Variants in UQCC1 observed in about 807,000 individuals in gnomAD.
UQCC1 encodes ubiquinol-cytochrome c reductase complex assembly factor 1, also known as bFGF-repressed Zic-binding protein.
UQCC1 carries 38 observed loss-of-function variants against 48.0 expected under a neutral mutation model. That is an observed-to-expected ratio of 0.79 (90% confidence interval 0.61 to 1.04). UQCC1 has a LOEUF of 1.04. Among genes scored for constraint, UQCC1 ranks in the 50% least tolerant of loss-of-function variants. The pLI is 0.00. For synonymous variants in UQCC1, 111 were observed against 129.2 expected (o/e 0.86, Z 0.95); for missense variants, 368 against 381.8 (o/e 0.96, Z 0.30).
intron 7 of UQCC1, among the ~76,000 whole-genome samples, chr20:35,339,552 T>A (rs916620540): frequency 6.6e-6 from 1 of 152,142 alleles, no homozygotes; most frequent in Non-Finnish European, 1.5e-5. Context: ...ATGAGAAGAA[T>A]ATGTATTTGT....
intron 1 of UQCC1, among the ~76,000 whole-genome samples, chr20:35,400,991 T>C (rs2062156439): frequency 6.6e-6 from 1 of 152,212 alleles, no homozygotes; most frequent in South Asian, 2.1e-4. Context: ...GGCTCATTCA[T>C]GAGCTAGAAA....
At chr20:35,325,266 T>C (rs2061179649) in intron 7 of UQCC1, among the ~76,000 whole-genome samples, 2 of 152,238 alleles carry the variant, frequency 1.3e-5, no homozygotes, top group Admixed American at 1.3e-4. Flanking sequence ...GTATAGATAA[T>C]GAAAATTGTT....
At chr20:35,340,118 G>A (rs2061361028) in intron 7 of UQCC1, among the ~76,000 whole-genome samples, 1 of 152,140 alleles carries the variant, frequency 6.6e-6, no homozygotes, top group South Asian at 2.1e-4. Context: ...TAGTGCTGCA[G>A]TAACGCAGAG....
chr20:35,338,628 T>C (rs2061338960), intron 7 of UQCC1, among the ~76,000 whole-genome samples: 1 of 151,118 alleles, frequency 6.6e-6, no homozygotes, highest in African/African-American at 2.4e-5. Context: ...GGTGGATCAC[T>C]TAAGGTCAGG....
At chr20:35,387,514 A>ATT (rs747450589) in intron 2 of UQCC1, among the ~76,000 whole-genome samples, 2 of 142,760 alleles carry the variant, frequency 1.4e-5, no homozygotes, top group South Asian at 4.5e-4. Flanking sequence ...AACTAGGTGG[A>ATT]TTTTTTTTTT....
At chr20:35,386,331 T>C (rs1476035353) in intron 2 of UQCC1, 1 of 456,424 alleles carries the variant, frequency 2.2e-6, no homozygotes, top group Non-Finnish European at 4.4e-6. Context: ...TCTTCAATTC[T>C]GGTTTATTCC....
In UQCC1 at chr20:35,378,018, A is replaced by G. The variant is rs74878895; in HGVS notation, c.334-3762T>C. On this transcript the variant is annotated intron_variant, in intron 4 of 9. Transcript: ENST00000374385. ...AGTCTCTAAAGACTATCACACAGAG[A>G]CTGGAAATAATAACTTGAGGAAAGA... is the stretch of plus-strand genomic sequence containing the variant. 7.9e-4 allele frequency among the ~76,000 whole-genome samples: 121 copies of G among 152,312 alleles called. 2 individuals are homozygous for G. In the East Asian group the frequency reaches 0.02, roughly 25 times the overall value.
chr20:35,399,412 C>A (rs1263103588), intron 1 of UQCC1, among the ~76,000 whole-genome samples: 2 of 152,196 alleles, frequency 1.3e-5, no homozygotes, highest in Non-Finnish European at 2.9e-5. Flanking sequence ...ATAATACTTA[C>A]TGTGTTTTCC....
intron 7 of UQCC1, among the ~76,000 whole-genome samples, chr20:35,316,459 G>A (rs185864168): frequency 1.3e-5 from 2 of 152,206 alleles, no homozygotes; most frequent in Admixed American, 1.3e-4. Context: ...TCTGCTTCTG[G>A]GAGGATAATT....
At position 35,306,654 on chromosome 20, in the gene UQCC1, A is replaced by G; in HGVS notation, c.765+12T>C. ...TGCCAGGACTTGGGAGGGGAGGGAA[A>G]GGGTCACTCACCTGTTTCCTCACAT... On this transcript the variant is annotated intron_variant, in intron 9 of 9. Coordinates refer to ENST00000374385, the MANE Select transcript of UQCC1 (RefSeq NM_018244.5). 6.2e-7 allele frequency: 1 copy of G among 1,605,266 alleles called. No homozygotes were observed.
chr20:35,391,949 G>C (rs1168930648), intron 2 of UQCC1, among the ~76,000 whole-genome samples: 1 of 152,000 alleles, frequency 6.6e-6, no homozygotes, highest in Non-Finnish European at 1.5e-5. Context: ...AACTTCAAGA[G>C]GCTAATTAAG....
intron 8 of UQCC1, among the ~76,000 whole-genome samples, chr20:35,312,204 A>G (rs953784998): frequency 1.3e-5 from 2 of 152,192 alleles, no homozygotes; most frequent in Admixed American, 6.5e-5. Context: ...GTCCACTTTT[A>G]TAATTGATAT....
At chr20:35,402,379 C>A (rs2146535969) in intron 1 of UQCC1, among the ~76,000 whole-genome samples, 1 of 151,966 alleles carries the variant, frequency 6.6e-6, no homozygotes, top group African/African-American at 2.4e-5. Flanking sequence ...GAGATTGAAA[C>A]CATCCTGGCT....
chr20:35,391,714 A>C (rs1568704690), intron 2 of UQCC1, among the ~76,000 whole-genome samples: 1 of 122,738 alleles, frequency 8.1e-6, no homozygotes, highest in Non-Finnish European at 1.8e-5. Context: ...CAGATCAAAA[A>C]AGGACATTCA....
chr20:35,392,088 T>C, intron 2 of UQCC1: 1 of 495,612 alleles, frequency 2.0e-6, no homozygotes, highest in South Asian at 1.8e-5. Context: ...GCCCTTGACA[T>C]ACATTCATCC....
At chr20:35,314,891 G>A (rs1259133723) in intron 7 of UQCC1, 126 bp from the exon 8 acceptor site, 2 of 617,294 alleles carry the variant, frequency 3.2e-6, no homozygotes, top group Admixed American at 5.6e-5. Flanking sequence ...AACAAGTCAA[G>A]CTGCCAGTCC....
intron 3 of UQCC1, 73 bp downstream of exon 3, chr20:35,383,965 C>G: frequency 1.5e-6 from 2 of 1,371,874 alleles, no homozygotes; most frequent in South Asian, 2.4e-5. Flanking sequence ...ACCTAGCTAA[C>G]AATTTTGTTG....
At chr20:35,391,615 C>A (rs1377290693) in intron 2 of UQCC1, among the ~76,000 whole-genome samples, 1 of 138,356 alleles carries the variant, frequency 7.2e-6, no homozygotes, top group Non-Finnish European at 1.5e-5. Flanking sequence ...CCCTGGACGA[C>A]AGAGTGGGAC....
intron 4 of UQCC1, among the ~76,000 whole-genome samples, chr20:35,378,389 G>A (rs1382976918): frequency 2.6e-5 from 4 of 152,090 alleles, no homozygotes; most frequent in South Asian, 4.1e-4. Context: ...CGAGGTGGGC[G>A]GATCATGAGG....
Sources: gnomAD v4.1 joint callset for allele counts (sites outside exome capture counted in the v4.1 genomes callset) on GRCh38, gnomAD v4.1.1 for gene constraint, MANE v1.5 for transcripts, NCBI Gene and HGNC (gene_info 2026-07-23, HGNC 2026-07-21) for gene names.